PNMA6E: variants seen among roughly 807,000 people sequenced by gnomAD.
The protein encoded by PNMA6E is PNMA family member 6E, also known as paraneoplastic antigen Ma6E.
For synonymous variants in PNMA6E, 43 were observed against 17.1 expected (o/e 2.52, Z -3.74); for missense variants, 78 against 50.8 (o/e 1.53, Z -1.63).
chrX:153,408,890 C>A, the PNMA6E span, among the ~76,000 whole-genome samples: 1 of 112,853 alleles, frequency 8.9e-6, no homozygotes, highest in Non-Finnish European at 1.9e-5. Context: ...GCCGCCCTGA[C>A]CCCTGCCCTG....
chrX:153,397,597 G>A lies in PNMA6E; in HGVS notation c.1253C>T (p.Pro418Leu). 1 of 298,672 alleles carries A rather than the reference G, an allele frequency of 3.3e-6. No individual in the cohort carries two copies. 24.6% of individuals were successfully genotyped at this position (298,672 alleles called of 1,213,427 possible). ...CACGAAGGCAAACAGCCCCTCCTGG[G>A]GCCCCTGCGTGCAGGTCAGGAACTT... ...RLKFLTCTQG[P>L]QEGLFAFVVR... The change falls in exon 2 of 2, where the codon CCC (proline) becomes CTC (leucine). Residue 418 changes from proline to leucine, a missense_variant. Coordinates refer to ENST00000445091, the MANE Select transcript of PNMA6E (RefSeq NM_001367770.1).
At chrX:153,411,400 C>T in the PNMA6E span, among the ~76,000 whole-genome samples, 2 of 109,480 alleles carry the variant, frequency 1.8e-5, no homozygotes, top group African/African-American at 3.3e-5. Context: ...GGCCGCCATC[C>T]CTCTGCGCCG....
Position 153,397,780 on chromosome X carries a change from C to G in PNMA6E, c.1070G>C (p.Arg357Thr), listed in dbSNP as rs1377529941. ...CTCCAGCAGCCACCTCTTCTTCTCC[C>G]TTTCCGACGCATGGCACCACAGCTG... ...MLQLWCHASE[R>T]EKKRWLLESL... Residue 357 changes from arginine (R) to threonine (T), a missense_variant, in exon 2 of 2, where the codon AGG (arginine) becomes ACG (threonine). Transcript: ENST00000445091. The G allele has an allele frequency of 2.3e-5, 7 of 310,256 alleles. No homozygotes were observed. Among genetic ancestry groups the G allele is most frequent in the Non-Finnish European group, 2.8e-5 (5 of 178,493 alleles). 25.6% of individuals were successfully genotyped at this position (310,256 alleles called of 1,213,427 possible).
At chrX:153,402,871 C>A (rs2088860556), upstream of PNMA6E, among the ~76,000 whole-genome samples, 1 of 112,598 alleles carries the variant, frequency 8.9e-6, no homozygotes, top group African/African-American at 3.2e-5. Context: ...GTTCCATTCT[C>A]TCTTGGTTTC....
intron 1 of PNMA6E, among the ~76,000 whole-genome samples, chrX:153,400,856 C>A: frequency 9.7e-6 from 1 of 103,283 alleles, no homozygotes; most frequent in Non-Finnish European, 2.0e-5. Flanking sequence ...GCCCCACAGC[C>A]GGAAGCCCTC....
chrX:153,400,417 C>T (rs1475144478), intron 1 of PNMA6E, among the ~76,000 whole-genome samples: 2 of 112,515 alleles, frequency 1.8e-5, no homozygotes, highest in African/African-American at 6.5e-5. Context: ...ACAGTCCCTT[C>T]CTGCCCCCAA....
chrX:153,398,202 G>A lies in PNMA6E; in HGVS notation c.648C>T (p.Gly216=), dbSNP rs1441647187. The change falls in exon 2 of 2, where the codon GGC becomes GGT. Residue 216 remains glycine, a synonymous_variant. Coordinates refer to ENST00000445091, the MANE Select transcript of PNMA6E (RefSeq NM_001367770.1). The part of the protein sequence containing the change: ...GEAGAAGEAG[G]AGEAGGVGEA... Reference sequence around the variant, plus strand: ...CACCTACACCTCCTGCCTCACCTGCGCCTCCTGCCTCACCTGCTGCTCCTG... The same window carrying A: ...CACCTACACCTCCTGCCTCACCTGCACCTCCTGCCTCACCTGCTGCTCCTG... 7.2e-5 allele frequency: 22 copies of A among 304,041 alleles called. No homozygotes were observed. Among genetic ancestry groups the A allele is most frequent in the South Asian group, 1.3e-4 (2 of 15,052 alleles). The allele number at this position is 304,041 out of a possible 1,213,427, so 25.1% of individuals were successfully genotyped here. A position where few individuals can be genotyped will look rare whatever the true frequency, so the allele number is the denominator to read the frequency against.
At chrX:153,402,776 T>A (rs903493849), upstream of PNMA6E, among the ~76,000 whole-genome samples, 1 of 52,305 alleles carries the variant, frequency 1.9e-5, no homozygotes, top group Non-Finnish European at 3.8e-5. Flanking sequence ...TTCACCTTCA[T>A]TCTTAGGAGT....
At chrX:153,399,063 A>G in intron 1 of PNMA6E, 143 bp from the exon 2 acceptor site, 1 of 275,104 alleles carries the variant, frequency 3.6e-6, no homozygotes, top group East Asian at 5.3e-5. Context: ...TGAAATTTTG[A>G]TGGCAAAATT....
At chrX:153,406,890 A>T in the PNMA6E span, among the ~76,000 whole-genome samples, 2 of 111,876 alleles carry the variant, frequency 1.8e-5, no homozygotes, top group Non-Finnish European at 3.8e-5. Context: ...CGTTTAACAG[A>T]CCTAAAACGT....
At chrX:153,405,381 TC>T (rs1349703540), upstream of PNMA6E, among the ~76,000 whole-genome samples, 1 of 111,904 alleles carries the variant, frequency 8.9e-6, no homozygotes, top group African/African-American at 3.2e-5. Context: ...TGGATCCCTC[TC>T]CCTTTGAGTG....
chrX:153,405,297 C>A (rs1283572443), upstream of PNMA6E, among the ~76,000 whole-genome samples: 1 of 112,212 alleles, frequency 8.9e-6, no homozygotes, highest in East Asian at 2.8e-4. Context: ...ATGCAGTTAT[C>A]ATAGGTGACT....
chrX:153,399,371 G>C (rs1039434395), intron 1 of PNMA6E, among the ~76,000 whole-genome samples: 1 of 109,352 alleles, frequency 9.1e-6, no homozygotes, highest in African/African-American at 3.3e-5. Context: ...TTTGAGACAG[G>C]GTCTCACTCT....
Position 153,398,058 on chromosome X carries a change from A to C in PNMA6E, c.792T>G (p.Ala264=). The stretch of plus-strand genomic sequence containing the variant: ...CACCTGCTGCTCCTGCCTCACCCAC[A>C]GCTCCTGCCTCACCTGCTGCTCCTG... The part of the protein sequence containing the change: ...GEAGAAGEAG[A]VGEAGAAGEA... The change falls in exon 2 of 2, where the codon GCT becomes GCG. Residue 264 remains alanine (A), a synonymous_variant. Transcript: ENST00000445091. The C allele has an allele frequency of 2.8e-6, 1 of 361,203 alleles. No individual in the cohort carries two copies. Among genetic ancestry groups the C allele is most frequent in the Non-Finnish European group, 4.7e-6 (1 of 212,286 alleles). 29.8% of individuals were successfully genotyped at this position (361,203 alleles called of 1,213,427 possible). A position where few individuals can be genotyped will look rare whatever the true frequency, so the allele number is the denominator to read the frequency against.
chrX:153,404,915 AC>A (rs1395360114), upstream of PNMA6E, among the ~76,000 whole-genome samples: 3 of 111,883 alleles, frequency 2.7e-5, no homozygotes, highest in African/African-American at 9.8e-5. Flanking sequence ...CGAGGTGTTA[AC>A]CCCCTATGGT....
the PNMA6E span, among the ~76,000 whole-genome samples, chrX:153,413,936 G>T: frequency 8.9e-6 from 1 of 112,391 alleles, no homozygotes; most frequent in South Asian, 3.7e-4. Flanking sequence ...TTGAGTGCGG[G>T]TCTCCGTCTC....
the PNMA6E span, among the ~76,000 whole-genome samples, chrX:153,412,456 A>G: frequency 8.9e-6 from 1 of 112,656 alleles, no homozygotes; most frequent in Admixed American, 9.3e-5. Context: ...AGCGCAGACA[A>G]TAAGCAGAAA....
At chrX:153,406,594 C>G in the PNMA6E span, among the ~76,000 whole-genome samples, 1 of 112,834 alleles carries the variant, frequency 8.9e-6, no homozygotes, top group Non-Finnish European at 1.9e-5. Context: ...CCAGACAGTG[C>G]AGACCTCATG....
rs1438135764 is a variant in PNMA6E, at chrX:153,398,178, A to C, written c.672T>G (p.Gly224=). ...AGGAGEAGGV[G]EAGAAGEAGG... is the part of the protein sequence containing the mutation. ...CTGCCTCACCTGCTGCTCCTGCCTC[A>C]CCTACACCTCCTGCCTCACCTGCGC... is the stretch of plus-strand genomic sequence containing the variant. Residue 224 remains glycine (G), a synonymous_variant, in exon 2 of 2, where the codon GGT becomes GGG. Coordinates refer to ENST00000445091, the MANE Select transcript of PNMA6E (RefSeq NM_001367770.1). 9.9e-5 allele frequency: 41 copies of C among 415,968 alleles called. No homozygotes were observed. The highest frequency in any genetic ancestry group is 3.5e-4 in the Admixed American group (8 of 22,818). The allele number at this position is 415,968 out of a possible 1,213,427, so 34.3% of individuals were successfully genotyped here.
Sources: allele counts gnomAD v4.1 joint callset (sites outside exome capture counted in the v4.1 genomes callset), GRCh38; gene constraint gnomAD v4.1.1; transcripts MANE v1.5; gene names NCBI Gene and HGNC (gene_info 2026-07-23, HGNC 2026-07-21).